KCTD21: variants seen among roughly 807,000 people sequenced by gnomAD.
The protein encoded by KCTD21 is BTB/POZ domain-containing protein KCTD21.
In KCTD21, 9 loss-of-function variants were observed where a neutral mutation model predicts 13.2. The ratio of observed to expected loss-of-function variants is 0.68; its 90% CI spans 0.41 to 1.19. The LOEUF (loss-of-function observed/expected upper bound fraction) is 1.19, where lower values mean the gene tolerates loss of function less well. KCTD21 is among the 50% of genes most tolerant of loss of function. The pLI, the probability that KCTD21 is intolerant of heterozygous loss-of-function variation, is 0.01. For synonymous variants in KCTD21, 142 were observed against 137.4 expected, an observed-to-expected ratio of 1.03 and a Z score of -0.23; for missense variants, 303 against 336.5, an observed-to-expected ratio of 0.90 and a Z score of 0.78.
intron 1 of KCTD21, chr11:78,174,908 G>A (rs564800040): frequency 1.0e-4 from 22 of 212,138 alleles, no homozygotes; most frequent in Non-Finnish European, 1.7e-4. Flanking sequence ...TATTTTGAAA[G>A]AGTTCCCTTA....
intron 1 of KCTD21, chr11:78,187,549 G>C (rs1862822800): frequency 9.1e-6 from 9 of 985,230 alleles, no homozygotes; most frequent in Non-Finnish European, 1.1e-5. Context: ...GCCCCTTCCA[G>C]AACTTTCCTT....
Position 78,186,117 on chromosome 11 carries a change from C to T in KCTD21, c.-30+2456G>A, listed in dbSNP as rs115056439. Among the ~76,000 whole-genome samples the T allele has an allele frequency of 6.0e-3, 913 of 151,720 alleles. 5 individuals carry two copies. The highest frequency in any genetic ancestry group is 0.034 in the Middle Eastern group (10 of 294). ...ACAGGCCAGGCTCAGTGGCTCATGC[C>T]TGTAATCCCAGCACTTGGAAGGCCC... On this transcript the variant is annotated intron_variant, in intron 1 of 1. Transcript: ENST00000340067.
At chr11:78,182,312 A>C (rs1862652396) in intron 1 of KCTD21, among the ~76,000 whole-genome samples, 1 of 142,712 alleles carries the variant, frequency 7.0e-6, no homozygotes, top group Non-Finnish European at 1.5e-5. Flanking sequence ...CCCCCCCTCA[A>C]AATTAATTAT....
chr11:78,186,597 G>T (rs1306165917), intron 1 of KCTD21: 3 of 565,816 alleles, frequency 5.3e-6, no homozygotes, highest in Non-Finnish European at 6.7e-6. Flanking sequence ...AACGTTTATT[G>T]AGCAGTTACT....
intron 1 of KCTD21, 122 bp from the exon 2 acceptor site, chr11:78,174,705 G>A (rs1352364139): frequency 1.8e-5 from 12 of 667,262 alleles, no homozygotes; most frequent in Non-Finnish European, 2.8e-5. Flanking sequence ...AATACCTGAT[G>A]AATGGGTGAT....
intron 1 of KCTD21, chr11:78,176,848 C>CA (rs1862464824): frequency 6.6e-6 from 1 of 151,914 alleles, no homozygotes; most frequent in Non-Finnish European, 1.5e-5. Context: ...ACAACAACAA[C>CA]AACAACAACA....
chr11:78,185,281 A>G (rs1364238034), intron 1 of KCTD21, among the ~76,000 whole-genome samples: 1 of 152,198 alleles, frequency 6.6e-6, no homozygotes, highest in African/African-American at 2.4e-5. Flanking sequence ...TTGTACTTTA[A>G]GCTTTTATGT....
Position 78,174,063 on chromosome 11 carries a change from G to T in KCTD21, c.492C>A (p.Phe164Leu). 1 of 1,614,190 alleles carries T rather than the reference G, an allele frequency of 6.2e-7. No individual in the cohort carries two copies. Among genetic ancestry groups the T allele is most frequent in the Non-Finnish European group, 8.5e-7 (1 of 1,180,042 alleles). ...LFLKLLGSKLFYCSNGNLSSI... is the reference protein window; with the variant it reads ...LFLKLLGSKLLYCSNGNLSSI... ...AGGAGAGATTGCCATTGGAGCAGTAGAAGAGCTTAGAGCCAAGGAGCTTGA... is the reference window on the plus strand; with the variant it reads ...AGGAGAGATTGCCATTGGAGCAGTATAAGAGCTTAGAGCCAAGGAGCTTGA... Residue 164 changes from phenylalanine to leucine, a missense_variant, in exon 2 of 2, where the codon TTC becomes TTA. Transcript: ENST00000340067.
In KCTD21 at chr11:78,173,515, G is replaced by A. The variant is rs772652812; in HGVS notation, c.*257C>T. The A allele has an allele frequency of 1.5e-4, 70 of 456,082 alleles. No homozygotes were observed. Among genetic ancestry groups the A allele is most frequent in the Non-Finnish European group, 2.5e-4 (63 of 252,656 alleles). The allele number at this position is 456,082 out of a possible 1,614,324, so 28.3% of individuals were successfully genotyped here. A position where few individuals can be genotyped will look rare whatever the true frequency, so the allele number is the denominator to read the frequency against. ...GAAAATCCTCCTATGGCCTCCTTTA[G>A]TACACATCAGCTGACTCTTCACTTG... On this transcript the variant is annotated 3_prime_UTR_variant, in exon 2 of 2. Coordinates refer to ENST00000340067, the MANE Select transcript of KCTD21 (RefSeq NM_001029859.3).
At position 78,171,804 on chromosome 11, in the gene KCTD21, C is replaced by T. The variant is rs1020270772; in HGVS notation, c.*1968G>A. On this transcript the variant is annotated 3_prime_UTR_variant, in exon 2 of 2. Coordinates refer to ENST00000340067, the MANE Select transcript of KCTD21 (RefSeq NM_001029859.3). Reference sequence around the variant, plus strand: ...TATTTTTAGCAGAGACGACGTTTCACCATGTTGGCCAGGCTGGTCTTGAAC... The same window carrying T: ...TATTTTTAGCAGAGACGACGTTTCATCATGTTGGCCAGGCTGGTCTTGAAC... The T allele has an allele frequency of 6.6e-6, 1 of 152,264 alleles. No individual in the cohort carries two copies. The allele number at this position is 152,264 out of a possible 1,614,324, so 9.4% of individuals were successfully genotyped here. A position where few individuals can be genotyped will look rare whatever the true frequency, so the allele number is the denominator to read the frequency against.
At chr11:78,185,065 G>T (rs1043229637) in intron 1 of KCTD21, among the ~76,000 whole-genome samples, 2 of 152,126 alleles carry the variant, frequency 1.3e-5, no homozygotes, top group East Asian at 3.9e-4. Flanking sequence ...ATTACATTGG[G>T]TAATACTGAC....
chr11:78,179,151 G>C (rs1295155181), intron 1 of KCTD21, among the ~76,000 whole-genome samples: 1 of 151,584 alleles, frequency 6.6e-6, no homozygotes, highest in Non-Finnish European at 1.5e-5. Flanking sequence ...TTTAATTCCT[G>C]CTTTCACTGC....
At chr11:78,182,240 C>G (rs960694885) in intron 1 of KCTD21, among the ~76,000 whole-genome samples, 10 of 151,808 alleles carry the variant, frequency 6.6e-5, no homozygotes, top group African/African-American at 2.2e-4. Flanking sequence ...TGCAGTGAGC[C>G]AAGACTGTGC....
In KCTD21 at chr11:78,184,934, C is replaced by T. The variant is rs1428449887; in HGVS notation, c.-30+3639G>A. 5.9e-5 allele frequency among the ~76,000 whole-genome samples: 9 copies of T among 152,218 alleles called. No individual in the cohort carries two copies. In the East Asian group the frequency reaches 1.7e-3, roughly 29 times the overall value. ...TGTAGTTTTTGTAGAGATGGGGTTT[C>T]ACTATGTTGCCCAGGCTGGCCTTGA... On this transcript the variant is annotated intron_variant, in intron 1 of 1. Coordinates refer to ENST00000340067, the MANE Select transcript of KCTD21 (RefSeq NM_001029859.3).
At chr11:78,182,150 A>G (rs1267293903) in intron 1 of KCTD21, among the ~76,000 whole-genome samples, 1 of 152,160 alleles carries the variant, frequency 6.6e-6, no homozygotes, top group Non-Finnish European at 1.5e-5. Flanking sequence ...AGGGCTAAAA[A>G]CTGTGTAATT....
rs1279963344 is a variant in KCTD21 at position 78,183,640 on chromosome 11, T to C, written c.-30+4933A>G. ...AGATAGAGACAGGAAAAATTAATTC[T>C]TTTTTTTTTTTTTTGAGACGGAGTC... On this transcript the variant is annotated intron_variant, in intron 1 of 1. Coordinates refer to ENST00000340067, the MANE Select transcript of KCTD21 (RefSeq NM_001029859.3). Among the ~76,000 whole-genome samples the C allele has an allele frequency of 4.9e-5, 7 of 142,064 alleles. No individual in the cohort carries two copies. The East Asian group carries it at 1.4e-3, about 29-fold the overall frequency. The allele number at this position is 142,064 out of a possible 152,430, so 93.2% of individuals were successfully genotyped here.
chr11:78,185,610 G>A (rs75556651), intron 1 of KCTD21, among the ~76,000 whole-genome samples: 2 of 145,778 alleles, frequency 1.4e-5, no homozygotes, highest in Non-Finnish European at 3.0e-5. Context: ...TTTTTTTTTT[G>A]AGATAGAGTC....
At chr11:78,188,551 A>T in intron 1 of KCTD21, 22 bp downstream of exon 1, 1 of 983,600 alleles carries the variant, frequency 1.0e-6, no homozygotes, top group Non-Finnish European at 1.2e-6. Flanking sequence ...GAGCCCCGCG[A>T]CCCCGGCCGT....
intron 1 of KCTD21, among the ~76,000 whole-genome samples, chr11:78,185,597 A>G (rs1862742120): frequency 1.4e-5 from 2 of 145,758 alleles, no homozygotes. Flanking sequence ...CACTAGGCCT[A>G]TTTTTTTTTT....
Sources: allele counts gnomAD v4.1 joint callset (sites outside exome capture counted in the v4.1 genomes callset), GRCh38; gene constraint gnomAD v4.1.1; transcripts MANE v1.5; gene names NCBI Gene and HGNC (gene_info 2026-07-23, HGNC 2026-07-21).